Variants in FGF3 observed in about 807,000 individuals in gnomAD.
FGF3 encodes fibroblast growth factor 3, also known as FGF-3.
In FGF3, 7 loss-of-function variants were observed where a neutral mutation model predicts 9.8. The ratio of observed to expected loss-of-function variants is 0.72; its 90% CI spans 0.41 to 1.35. The LOEUF (loss-of-function observed/expected upper bound fraction) is 1.35, where lower values mean the gene tolerates loss of function less well. Among genes scored for constraint, FGF3 ranks in the 40% most tolerant of loss-of-function variants. The pLI is 0.01. For synonymous variants in FGF3, 173 were observed against 157.2 expected (o/e 1.10, Z -0.75); for missense variants, 390 against 345.6 (o/e 1.13, Z -1.02).
Position 69,818,869 on chromosome 11 carries a change from C to A in FGF3, c.65G>T (p.Gly22Val). The change falls in exon 1 of 3, where the codon GGG (glycine) becomes GTG (valine). Residue 22 changes from glycine to valine, a missense_variant. Physicochemically the swap from Gly to Val is moderately radical, Grantham distance 109. Transcript: ENST00000334134. ...GCCCGCATCGCGCCGCAACCGCGCC[C>A]CAGGGCCCGCTGCGGGCCAGCCGGG... is the stretch of plus-strand genomic sequence containing the variant. ...LEPGWPAAGP[G>V]ARLRRDAGGR... is the part of the protein sequence containing the mutation. 6.8e-7 allele frequency: 1 copy of A among 1,464,234 alleles called. No homozygotes were observed. The highest frequency in any genetic ancestry group is 9.0e-7 in the Non-Finnish European group (1 of 1,114,450). 90.7% of individuals were successfully genotyped at this position (1,464,234 alleles called of 1,614,324 possible).
intron 1 of FGF3, 31 bp downstream of exon 1, chr11:69,818,683 C>G: frequency 2.8e-6 from 4 of 1,433,676 alleles, no homozygotes; most frequent in Non-Finnish European, 3.7e-6. Context: ...GGCGCCGCTT[C>G]CCCCGGGGCC....
intron 1 of FGF3, 47 bp from the exon 2 acceptor site, chr11:69,816,470 G>C: frequency 1.4e-6 from 2 of 1,473,626 alleles, no homozygotes. Context: ...CCACGGAGGG[G>C]GCGGCTGAGG....
intron 2 of FGF3, among the ~76,000 whole-genome samples, chr11:69,812,655 G>A (rs1041506426): frequency 2.6e-5 from 4 of 152,154 alleles, no homozygotes; most frequent in East Asian, 3.9e-4. Context: ...GCTCAGGGCC[G>A]ACTTCCCCAC....
At chr11:69,811,719 CACAGAT>C (rs1221551694) in intron 2 of FGF3, among the ~76,000 whole-genome samples, 3 of 152,132 alleles carry the variant, frequency 2.0e-5, no homozygotes, top group Non-Finnish European at 2.9e-5. Flanking sequence ...CAATCAGTGC[CACAGAT>C]ACTGCTGTTC....
intron 2 of FGF3, among the ~76,000 whole-genome samples, chr11:69,815,479 A>G (rs1051493546): frequency 6.6e-6 from 1 of 152,198 alleles, no homozygotes; most frequent in African/African-American, 2.4e-5. Flanking sequence ...TGAAATCATC[A>G]GCTTCTGCGA....
chr11:69,817,640 T>C (rs1856157889), intron 1 of FGF3: 1 of 152,214 alleles, frequency 6.6e-6, no homozygotes. Context: ...GGACGCCCTC[T>C]CAGGGCTGCG....
intron 2 of FGF3, 61 bp from the exon 3 acceptor site, chr11:69,810,761 G>A (rs955545489): frequency 7.6e-6 from 11 of 1,450,010 alleles, no homozygotes; most frequent in Non-Finnish European, 1.0e-5. Context: ...TCAGGGCCCA[G>A]GGTTGCCTGA....
At chr11:69,816,678 ACG>A (rs2119931355) in intron 1 of FGF3, among the ~76,000 whole-genome samples, 1 of 152,308 alleles carries the variant, frequency 6.6e-6, no homozygotes, top group East Asian at 1.9e-4. Flanking sequence ...CCACCTGCTG[ACG>A]CTGCCTGCAC....
rs1554981429 is a variant in FGF3 at position 69,818,874 on chromosome 11, G to A, written c.60C>T (p.Gly20=). 20 of 1,463,258 alleles carry A rather than the reference G, an allele frequency of 1.4e-5. No individual in the cohort carries two copies. Among genetic ancestry groups the A allele is most frequent in the Admixed American group, 9.9e-5 (4 of 40,274 alleles). The allele number at this position is 1,463,258 out of a possible 1,614,324, so 90.6% of individuals were successfully genotyped here. The change falls in exon 1 of 3, where the codon GGC becomes GGT. Residue 20 remains glycine, a synonymous_variant. Coordinates refer to ENST00000334134, the MANE Select transcript of FGF3 (RefSeq NM_005247.4). ...CATCGCGCCGCAACCGCGCCCCAGGGCCCGCTGCGGGCCAGCCGGGCTCCA... is the reference window on the plus strand; with the variant it reads ...CATCGCGCCGCAACCGCGCCCCAGGACCCGCTGCGGGCCAGCCGGGCTCCA... The part of the protein sequence containing the change: ...SLLEPGWPAA[G]PGARLRRDAG...
At chr11:69,813,768 G>GTGGATGGGTGGATGGGTGGA (rs1856072263) in intron 2 of FGF3, among the ~76,000 whole-genome samples, 1 of 68,076 alleles carries the variant, frequency 1.5e-5, no homozygotes, top group African/African-American at 6.3e-5. Context: ...GGGTGGATGG[G>GTGGATGGGTGGATGGGTGGA]TGGATGGATG....
In FGF3 at chr11:69,810,199, C is replaced by G; in HGVS notation, c.*106G>C. ...AGCTGGCTCTGGAAATAGCTGAGAA[C>G]CCAGACGCGGGACGCAGGGGCAAGG... On this transcript the variant is annotated 3_prime_UTR_variant, in exon 3 of 3. Coordinates refer to ENST00000334134, the MANE Select transcript of FGF3 (RefSeq NM_005247.4). 1 of 1,134,720 alleles carries G rather than the reference C, an allele frequency of 8.8e-7. No homozygotes were observed. Among genetic ancestry groups the G allele is most frequent in the Non-Finnish European group, 1.2e-6 (1 of 820,120 alleles). 70.3% of individuals were successfully genotyped at this position (1,134,720 alleles called of 1,614,324 possible).
intron 2 of FGF3, among the ~76,000 whole-genome samples, chr11:69,813,698 GGATA>G (rs1856068233): frequency 5.9e-5 from 8 of 135,880 alleles, no homozygotes; most frequent in Admixed American, 1.4e-4. Context: ...GTGGATGGAT[GGATA>G]GGTGGATGGA....
intron 1 of FGF3, among the ~76,000 whole-genome samples, chr11:69,817,809 C>A (rs1278929345): frequency 1.3e-5 from 2 of 152,220 alleles, no homozygotes; most frequent in Admixed American, 6.5e-5. Context: ...GCGGTCCTCC[C>A]GGGCCCTGAG....
At chr11:69,811,218 C>T (rs782020014) in intron 2 of FGF3, among the ~76,000 whole-genome samples, 70 of 152,226 alleles carry the variant, frequency 4.6e-4, no homozygotes, top group Non-Finnish European at 9.1e-4. Flanking sequence ...GAGGCCGAGG[C>T]AGGTGAATCA....
At chr11:69,814,336 G>T (rs537849079) in intron 2 of FGF3, among the ~76,000 whole-genome samples, 2 of 152,122 alleles carry the variant, frequency 1.3e-5, no homozygotes, top group Non-Finnish European at 2.9e-5. Flanking sequence ...ATAGCAGGAG[G>T]GGTCTACCAT....
At position 69,818,752 on chromosome 11, in the gene FGF3, CTCGGG is replaced by C; in HGVS notation, c.177_181del (p.His59GlnfsTer67). The C allele has an allele frequency of 6.7e-7, 1 of 1,495,122 alleles. No homozygotes were observed. Among genetic ancestry groups the C allele is most frequent in the Non-Finnish European group, 8.9e-7 (1 of 1,128,872 alleles). 92.6% of individuals were successfully genotyped at this position (1,495,122 alleles called of 1,614,324 possible). On this transcript the variant is annotated frameshift_variant, in exon 1 of 3. Transcript: ENST00000334134. LOFTEE classifies it high-confidence loss of function. Reference sequence around the variant, plus strand: ...CTCCAGGCTGCCGTTGACGCGGCCGCTCGGGTGCAGCTGGAGGTGGTACTTCGTGG... The same window carrying C: ...CTCCAGGCTGCCGTTGACGCGGCCGCTGCAGCTGGAGGTGGTACTTCGTGG...
rs1416300857 is a variant in FGF3 at position 69,813,800 on chromosome 11, ATGGATGGGTGGATGGG to A, written c.324+2504_324+2519del. ...GATGGATGGATGGATGGATGGATGG[ATGGATGGGTGGATGGG>A]TGGATGGGTGGATGGGTGGATGGCT... On this transcript the variant is annotated intron_variant, in intron 2 of 2. Transcript: ENST00000334134. Among the ~76,000 whole-genome samples, 309 of 118,122 alleles carry A rather than the reference ATGGATGGGTGGATGGG, an allele frequency of 2.6e-3. 2 individuals carry two copies. The highest frequency in any genetic ancestry group is 5.3e-3 in the African/African-American group (150 of 28,082). The allele number at this position is 118,122 out of a possible 152,430, so 77.5% of individuals were successfully genotyped here. A position where few individuals can be genotyped will look rare whatever the true frequency, so the allele number is the denominator to read the frequency against.
At position 69,818,872 on chromosome 11, in the gene FGF3, G is replaced by A. The variant is rs1554981428; in HGVS notation, c.62C>T (p.Pro21Leu). Residue 21 changes from proline to leucine, a missense_variant, in exon 1 of 3, where the codon CCT becomes CTT. By Grantham distance (98) the Pro-to-Leu change is moderately conservative. Coordinates refer to ENST00000334134, the MANE Select transcript of FGF3 (RefSeq NM_005247.4). ...CGCATCGCGCCGCAACCGCGCCCCAGGGCCCGCTGCGGGCCAGCCGGGCTC... is the reference window on the plus strand; with the variant it reads ...CGCATCGCGCCGCAACCGCGCCCCAAGGCCCGCTGCGGGCCAGCCGGGCTC... ...LLEPGWPAAG[P>L]GARLRRDAGG... 5 of 1,463,566 alleles carry A rather than the reference G, an allele frequency of 3.4e-6. No individual in the cohort carries two copies. The highest frequency in any genetic ancestry group is 3.0e-5 in the East Asian group (1 of 33,750). 90.7% of individuals were successfully genotyped at this position (1,463,566 alleles called of 1,614,324 possible). A position where few individuals can be genotyped will look rare whatever the true frequency, so the allele number is the denominator to read the frequency against.
intron 1 of FGF3, among the ~76,000 whole-genome samples, chr11:69,818,184 G>C (rs1554981301): frequency 6.6e-6 from 1 of 152,182 alleles, no homozygotes; most frequent in Admixed American, 6.5e-5. Flanking sequence ...CGGCCACCTG[G>C]GCAGCCGCGA....
Sources: allele counts gnomAD v4.1 joint callset (sites outside exome capture counted in the v4.1 genomes callset), GRCh38; gene constraint gnomAD v4.1.1; transcripts MANE v1.5; gene names NCBI Gene and HGNC (gene_info 2026-07-23, HGNC 2026-07-21).